Variants in HS3ST5 observed in about 807,000 individuals in gnomAD.
HS3ST5 encodes the protein heparan sulfate glucosamine 3-O-sulfotransferase 5.
HS3ST5 carries 10 observed loss-of-function variants against 25.4 expected under a neutral mutation model. That is an observed-to-expected ratio of 0.39 (90% CI 0.24 to 0.67). The LOEUF is 0.67. Among genes scored for constraint, HS3ST5 ranks in the 30% least tolerant of loss-of-function variants. The pLI is 0.44. For synonymous variants in HS3ST5, 170 were observed against 162.4 expected, an observed-to-expected ratio of 1.05 and a Z score of -0.36; for missense variants, 324 against 420.7, an observed-to-expected ratio of 0.77 and a Z score of 2.01.
At chr6:114,304,553 C>T (rs1247028304) in intron 1 of HS3ST5, among the ~76,000 whole-genome samples, 1 of 152,026 alleles carries the variant, frequency 6.6e-6, no homozygotes, top group Admixed American at 6.6e-5. Context: ...TCCAAACCAC[C>T]CTGATTATAT....
At position 114,342,249 on chromosome 6, in the gene HS3ST5, G is replaced by T; in HGVS notation, c.-393C>A. On this transcript the variant is annotated 5_prime_UTR_variant, in exon 1 of 5. Transcript: ENST00000312719. ...GGAGCCTCAGGGCGCGGGGGTCGGCGGCGGGTCGCGTGGGGGTCACCCGGC... is the reference window on the plus strand; with the variant it reads ...GGAGCCTCAGGGCGCGGGGGTCGGCTGCGGGTCGCGTGGGGGTCACCCGGC... The T allele has an allele frequency of 1.5e-5, 2 of 129,172 alleles. No homozygotes were observed. Among genetic ancestry groups the T allele is most frequent in the South Asian group, 4.0e-4 (2 of 4,968 alleles). The allele number at this position is 129,172 out of a possible 1,614,324, so 8.0% of individuals were successfully genotyped here. A position where few individuals can be genotyped will look rare whatever the true frequency, so the allele number is the denominator to read the frequency against.
Position 114,209,762 on chromosome 6 carries a change from A to T in HS3ST5, c.-145+18823T>A, listed in dbSNP as rs554638687. ...TGAATGACTGGAAGTCAGAAGGGGG[A>T]AAAAAGAAATGGGAGAAGGAGGAGA... On this transcript the variant is annotated intron_variant, in intron 2 of 4. Transcript: ENST00000312719. 3.3e-5 allele frequency among the ~76,000 whole-genome samples: 5 copies of T among 152,264 alleles called. No homozygotes were observed. The East Asian group carries it at 9.6e-4, about 29-fold the overall frequency.
rs148301346 is a variant in HS3ST5 at position 114,208,433 on chromosome 6, T to C, written c.-145+20152A>G. On this transcript the variant is annotated intron_variant, in intron 2 of 4. Transcript: ENST00000312719. ...CATTCACCCAGACAATTATTGTCCC[T>C]TGACCCTGAGTACTAAATGCCAATG... 5.7e-3 allele frequency among the ~76,000 whole-genome samples: 869 copies of C among 152,304 alleles called. 7 individuals are homozygous for C. Among genetic ancestry groups the C allele is most frequent in the African/African-American group, 0.02 (835 of 41,570 alleles).
intron 2 of HS3ST5, among the ~76,000 whole-genome samples, chr6:114,221,740 C>T (rs562117575): frequency 1.3e-5 from 2 of 150,568 alleles, no homozygotes; most frequent in Admixed American, 6.6e-5. Flanking sequence ...CTTTAAAATC[C>T]GGGTAGATTC....
chr6:114,251,600 A>G (rs898982109), intron 1 of HS3ST5: 5 of 152,220 alleles, frequency 3.3e-5, no homozygotes, highest in East Asian at 1.9e-4. Context: ...GGCTTAAGCC[A>G]GTAGGCATAT....
chr6:114,059,552 G>A (rs1213719848), intron 4 of HS3ST5: 1 of 152,170 alleles, frequency 6.6e-6, no homozygotes, highest in Non-Finnish European at 1.5e-5. Flanking sequence ...GGGCTTGGTG[G>A]GAGGTGACTG....
intron 2 of HS3ST5, among the ~76,000 whole-genome samples, chr6:114,212,954 T>C (rs1167348455): frequency 6.6e-6 from 1 of 152,166 alleles, no homozygotes; most frequent in Admixed American, 6.5e-5. Flanking sequence ...TGCAAATGGC[T>C]TAAGTGTTTA....
At chr6:114,274,170 C>T (rs1773751596) in intron 1 of HS3ST5, among the ~76,000 whole-genome samples, 2 of 151,890 alleles carry the variant, frequency 1.3e-5, no homozygotes, top group Non-Finnish European at 2.9e-5. Context: ...GGCACAAAGG[C>T]TTGGGGCCAA....
At chr6:114,327,891 G>C (rs968004718) in intron 1 of HS3ST5, among the ~76,000 whole-genome samples, 1 of 152,162 alleles carries the variant, frequency 6.6e-6, no homozygotes. Flanking sequence ...ATCTACCTAT[G>C]CATTATGGAT....
At chr6:114,218,181 A>G (rs1315448505) in intron 2 of HS3ST5, among the ~76,000 whole-genome samples, 2 of 152,086 alleles carry the variant, frequency 1.3e-5, no homozygotes, top group Non-Finnish European at 2.9e-5. Context: ...TATTTTTAGA[A>G]GAGACAGCGT....
At chr6:114,104,519 C>G (rs544258540) in intron 3 of HS3ST5, among the ~76,000 whole-genome samples, 37 of 152,282 alleles carry the variant, frequency 2.4e-4, no homozygotes, top group African/African-American at 8.4e-4. Flanking sequence ...CCTATACTTA[C>G]CTTCATTTCA....
intron 2 of HS3ST5, among the ~76,000 whole-genome samples, chr6:114,196,002 C>T (rs1026909082): frequency 2.0e-5 from 3 of 152,176 alleles, no homozygotes; most frequent in African/African-American, 4.8e-5. Flanking sequence ...ACCAGAAATT[C>T]GTGGCTTATG....
At chr6:114,114,161 T>C (rs1465724597) in intron 3 of HS3ST5, among the ~76,000 whole-genome samples, 1 of 152,124 alleles carries the variant, frequency 6.6e-6, no homozygotes, top group Non-Finnish European at 1.5e-5. Context: ...GGAAACAATT[T>C]ATAGTTCTTT....
At chr6:114,303,272 T>C (rs1458743002) in intron 1 of HS3ST5, among the ~76,000 whole-genome samples, 2 of 152,048 alleles carry the variant, frequency 1.3e-5, no homozygotes, top group Non-Finnish European at 2.9e-5. Context: ...GATTAACGCA[T>C]GTTTGTCCCA....
intron 1 of HS3ST5, among the ~76,000 whole-genome samples, chr6:114,286,025 A>T (rs2114757294): frequency 6.6e-6 from 1 of 152,050 alleles, no homozygotes; most frequent in Admixed American, 6.6e-5. Context: ...GAAAAGATAT[A>T]TGCAAAAACT....
At chr6:114,288,316 C>T (rs577306744) in intron 1 of HS3ST5, among the ~76,000 whole-genome samples, 1 of 152,136 alleles carries the variant, frequency 6.6e-6, no homozygotes, top group East Asian at 1.9e-4. Context: ...AGTTTCTACA[C>T]AGTGCAAATC....
At chr6:114,068,110 G>A (rs1036344879) in intron 3 of HS3ST5, among the ~76,000 whole-genome samples, 6 of 152,000 alleles carry the variant, frequency 3.9e-5, no homozygotes, top group African/African-American at 4.8e-5. Context: ...AACAGTATAC[G>A]GAATTATGAA....
intron 1 of HS3ST5, among the ~76,000 whole-genome samples, chr6:114,301,039 G>C (rs1396726135): frequency 6.6e-6 from 1 of 152,128 alleles, no homozygotes; most frequent in Non-Finnish European, 1.5e-5. Flanking sequence ...ACGGGTGCAG[G>C]GATTACTGAG....
chr6:114,147,778 AC>A (rs1778241841), intron 3 of HS3ST5, among the ~76,000 whole-genome samples: 1 of 152,004 alleles, frequency 6.6e-6, no homozygotes, highest in African/African-American at 2.4e-5. Context: ...ACAGGGTTTT[AC>A]CATGTTGGCC....
Sources: allele counts gnomAD v4.1 joint callset (sites outside exome capture counted in the v4.1 genomes callset), GRCh38; gene constraint gnomAD v4.1.1; transcripts MANE v1.5; gene names NCBI Gene and HGNC (gene_info 2026-07-23, HGNC 2026-07-21).